The following FLVCR1 variants were observed in gnomAD, a reference collection of about 807,000 sequenced individuals.
FLVCR1 encodes choline/ethanolamine transporter FLVCR1.
A neutral mutation model predicts 53.6 loss-of-function variants in FLVCR1; 34 were observed. That is an observed-to-expected ratio of 0.63 (90% CI 0.48 to 0.84). FLVCR1 has a LOEUF of 0.84. FLVCR1 is among the 40% of genes least tolerant of loss of function. The pLI is 0.00. For synonymous variants in FLVCR1, 300 were observed against 286.3 expected, an observed-to-expected ratio of 1.05 and a Z score of -0.48; for missense variants, 677 against 696.7, an observed-to-expected ratio of 0.97 and a Z score of 0.32.
chr1:212,892,374 G>A (rs1317636101), intron 8 of FLVCR1, among the ~76,000 whole-genome samples: 1 of 152,218 alleles, frequency 6.6e-6, no homozygotes, highest in Non-Finnish European at 1.5e-5. Flanking sequence ...TGAAACTAAT[G>A]CTTGTTGACC....
intron 3 of FLVCR1, among the ~76,000 whole-genome samples, chr1:212,877,785 A>G (rs1171032741): frequency 6.6e-6 from 1 of 151,004 alleles, no homozygotes. Context: ...CAAAGACCCT[A>G]TAGCAAATAT....
In FLVCR1 at chr1:212,885,699, C is replaced by T. The variant is rs183027116; in HGVS notation, c.1196+303C>T. 403 of 254,526 alleles carry T rather than the reference C, an allele frequency of 1.6e-3. 1 individual carries two copies. Among genetic ancestry groups the T allele is most frequent in the African/African-American group, 7.3e-3 (318 of 43,774 alleles). The allele number at this position is 254,526 out of a possible 1,614,324, so 15.8% of individuals were successfully genotyped here. A position where few individuals can be genotyped will look rare whatever the true frequency, so the allele number is the denominator to read the frequency against. ...CCGAGTAGCTGGGACTACAGGCACC[C>T]GCCACCATGTCCGGCTAATTTTTTT... On this transcript the variant is annotated intron_variant, in intron 5 of 9. Coordinates refer to ENST00000366971, the MANE Select transcript of FLVCR1 (RefSeq NM_014053.4).
chr1:212,883,624 C>G (rs41297452), intron 4 of FLVCR1, among the ~76,000 whole-genome samples, 186 bp downstream of exon 4: 3,495 of 152,166 alleles, frequency 0.023, 63 homozygotes, highest in South Asian at 0.041. Flanking sequence ...ATCTAATTGG[C>G]TTTTATTATC....
chr1:212,892,210 A>G (rs552912687), intron 8 of FLVCR1, among the ~76,000 whole-genome samples: 2 of 152,374 alleles, frequency 1.3e-5, no homozygotes, highest in African/African-American at 4.8e-5. Context: ...GGTGGCTACA[A>G]TAAACCACAA....
At chr1:212,862,334 G>A (rs1664270790) in intron 1 of FLVCR1, among the ~76,000 whole-genome samples, 1 of 151,988 alleles carries the variant, frequency 6.6e-6, no homozygotes, top group Non-Finnish European at 1.5e-5. Flanking sequence ...CCCCACCATT[G>A]CCCCCTCCCC....
intron 8 of FLVCR1, among the ~76,000 whole-genome samples, chr1:212,893,839 C>T (rs1425256362): frequency 6.6e-6 from 1 of 152,080 alleles, no homozygotes; most frequent in Non-Finnish European, 1.5e-5. Flanking sequence ...GGAATGGCGC[C>T]ATCTGGGCTC....
In FLVCR1 at chr1:212,887,417, A is replaced by C. The variant is rs1445205776; in HGVS notation, c.1197-474A>C. On this transcript the variant is annotated intron_variant, in intron 5 of 9. Coordinates refer to ENST00000366971, the MANE Select transcript of FLVCR1 (RefSeq NM_014053.4). The stretch of plus-strand genomic sequence containing the variant: ...CTGGCATTATGTGATCCCTGTTCTT[A>C]AGATGTTTGTGGTCTAAATGGAGCA... 1.3e-5 allele frequency among the ~76,000 whole-genome samples: 2 copies of C among 152,172 alleles called. 1 individual carries two copies. Among genetic ancestry groups the C allele is most frequent in the South Asian group, 4.1e-4 (2 of 4,832 alleles).
At position 212,896,540 on chromosome 1, in the gene FLVCR1, TA is replaced by T. The variant is rs1665339102; in HGVS notation, c.*1251del. 1 of 152,122 alleles carries T rather than the reference TA, an allele frequency of 6.6e-6. No individual in the cohort carries two copies. Among genetic ancestry groups the T allele is most frequent in the Admixed American group, 6.5e-5 (1 of 15,270 alleles). 9.4% of individuals were successfully genotyped at this position (152,122 alleles called of 1,614,324 possible). Reference sequence around the variant, plus strand: ...GTCATGTTTACAGTGAGAGTTTAAATATTGTTGATGTCCTGACTCTGTGAGC... The same window carrying T: ...GTCATGTTTACAGTGAGAGTTTAAATTTGTTGATGTCCTGACTCTGTGAGC... On this transcript the variant is annotated 3_prime_UTR_variant, in exon 10 of 10. Transcript: ENST00000366971.
rs2102527025 is a variant in FLVCR1 at position 212,858,851 on chromosome 1, C to T, written c.399C>T (p.Asn133=). ...GGATCCAGTACAGCATCATTAGCAA[C>T]GTCTTCGAGGGCTTCTACGGTGTCA... The part of the protein sequence containing the change: ...FQWIQYSIIS[N]VFEGFYGVTL... The change falls in exon 1 of 10, where the codon AAC becomes AAT. Residue 133 remains asparagine, a synonymous_variant. Transcript: ENST00000366971. The T allele has an allele frequency of 1.2e-6, 2 of 1,614,236 alleles. No individual in the cohort carries two copies. The highest frequency in any genetic ancestry group is 1.1e-5 in the South Asian group (1 of 91,088).
At chr1:212,865,759 G>T (rs1664395707) in intron 2 of FLVCR1, among the ~76,000 whole-genome samples, 1 of 151,280 alleles carries the variant, frequency 6.6e-6, no homozygotes, top group Non-Finnish European at 1.5e-5. Flanking sequence ...TGGGATTATA[G>T]GCATGAGCCA....
rs760623988 is a variant in FLVCR1 at position 212,865,484 on chromosome 1, G to GTTTTTTTTTTT, written c.883+1615_883+1616insTTTTTTTTTTT. On this transcript the variant is annotated intron_variant, in intron 2 of 9. Transcript: ENST00000366971. ...AAATGGACCTTCCATTTGCAATAGG[G>GTTTTTTTTTTT]ATTTTTTTTTTTTTTTGAGACAGAG... Among the ~76,000 whole-genome samples, 16 of 47,764 alleles carry GTTTTTTTTTTT rather than the reference G, an allele frequency of 3.3e-4. No homozygotes were observed. The East Asian group carries it at 8.9e-3, about 26-fold the overall frequency. The allele number at this position is 47,764 out of a possible 152,430, so 31.3% of individuals were successfully genotyped here.
chr1:212,886,569 G>A (rs1424872922), intron 5 of FLVCR1, among the ~76,000 whole-genome samples: 1 of 152,102 alleles, frequency 6.6e-6, no homozygotes, highest in African/African-American at 2.4e-5. Context: ...GGAGGCCAAG[G>A]CGGGTAGATT....
At chr1:212,882,491 T>C (rs1407422598) in intron 3 of FLVCR1, among the ~76,000 whole-genome samples, 1 of 152,194 alleles carries the variant, frequency 6.6e-6, no homozygotes, top group Non-Finnish European at 1.5e-5. Flanking sequence ...AAGCTAGGGC[T>C]TGACTTTGGT....
At position 212,858,634 on chromosome 1, in the gene FLVCR1, C is replaced by A; in HGVS notation, c.182C>A (p.Ser61Ter). The A allele has an allele frequency of 4.6e-6, 7 of 1,536,546 alleles. No homozygotes were observed. Among genetic ancestry groups the A allele is most frequent in the Non-Finnish European group, 6.1e-6 (7 of 1,141,610 alleles). ...GAPRDSLAAA[S>*]GVLGGPQTPL... ...CCCCGGGACAGCCTCGCTGCCGCCT[C>A]GGGAGTTCTGGGCGGGCCTCAGACT... Residue 61 changes from serine (S) to a stop codon, truncating the protein, a stop_gained, in exon 1 of 10, where the codon TCG becomes TAG. Coordinates refer to ENST00000366971, the MANE Select transcript of FLVCR1 (RefSeq NM_014053.4). LOFTEE classifies it high-confidence loss of function.
intron 1 of FLVCR1, 33 bp downstream of exon 1, chr1:212,859,223 C>G: frequency 6.2e-7 from 1 of 1,613,802 alleles, no homozygotes; most frequent in Admixed American, 1.7e-5. Context: ...AAAGTCAGAT[C>G]CTTAAAAGAC....
intron 2 of FLVCR1, among the ~76,000 whole-genome samples, chr1:212,866,928 C>T (rs1234890181): frequency 6.6e-6 from 1 of 152,174 alleles, no homozygotes; most frequent in Non-Finnish European, 1.5e-5. Context: ...AAATAGAACA[C>T]ATACTTGTTT....
At chr1:212,862,943 T>C (rs1391466988) in intron 1 of FLVCR1, among the ~76,000 whole-genome samples, 1 of 152,226 alleles carries the variant, frequency 6.6e-6, no homozygotes, top group Non-Finnish European at 1.5e-5. Context: ...TTATTGACCA[T>C]TTGTATATCT....
rs766163322 is a variant in FLVCR1, at chr1:212,858,558, G to A, written c.106G>A (p.Val36Met). The change falls in exon 1 of 10, where the codon GTG becomes ATG. Residue 36 changes from valine to methionine, a missense_variant. Physicochemically the swap from Val to Met is conservative, Grantham distance 21 (BLOSUM62 1). Coordinates refer to ENST00000366971, the MANE Select transcript of FLVCR1 (RefSeq NM_014053.4). ...GGGCGCGCCCGTTGGGAAGGAGAGC[G>A]TGGAGCTGCAGAACGGGCCCAAAGC... ...PRGAPVGKESVELQNGPKAGT... is the reference protein window; with the variant it reads ...PRGAPVGKESMELQNGPKAGT... The A allele has an allele frequency of 6.1e-6, 9 of 1,478,350 alleles. No homozygotes were observed. Among genetic ancestry groups the A allele is most frequent in the Non-Finnish European group, 8.1e-6 (9 of 1,115,292 alleles). 91.6% of individuals were successfully genotyped at this position (1,478,350 alleles called of 1,614,324 possible).
chr1:212,897,345 T>TACACACACACACAC lies in FLVCR1; in HGVS notation c.*2058_*2059insCACACACACACACA, dbSNP rs1481300321. 16 of 99,970 alleles carry TACACACACACACAC rather than the reference T, an allele frequency of 1.6e-4. No individual in the cohort carries two copies. The highest frequency in any genetic ancestry group is 8.5e-4 in the African/African-American group (16 of 18,776). The allele number at this position is 99,970 out of a possible 1,614,324, so 6.2% of individuals were successfully genotyped here. A position where few individuals can be genotyped will look rare whatever the true frequency, so the allele number is the denominator to read the frequency against. Reference sequence around the variant, plus strand: ...GGCAAAACCCCATCTCTACTAAAAATACATACACACACACACACACACACA... The same window carrying TACACACACACACAC: ...GGCAAAACCCCATCTCTACTAAAAATACACACACACACACACATACACACACACACACACACACA... On this transcript the variant is annotated 3_prime_UTR_variant, in exon 10 of 10. Transcript: ENST00000366971.
Sources: gnomAD v4.1 joint callset for allele counts (sites outside exome capture counted in the v4.1 genomes callset) on GRCh38, gnomAD v4.1.1 for gene constraint, MANE v1.5 for transcripts, NCBI Gene and HGNC (gene_info 2026-07-23, HGNC 2026-07-21) for gene names.